Variants in INSL6 observed in about 807,000 individuals in gnomAD.
INSL6 encodes insulin-like peptide INSL6.
A neutral mutation model predicts 9.4 loss-of-function variants in INSL6; 16 were observed. The ratio of observed to expected loss-of-function variants is 1.70; its 90% CI spans 1.15 to 2.59. The LOEUF (loss-of-function observed/expected upper bound fraction) is 2.59. INSL6 is among the 30% of genes most tolerant of loss of function. The pLI is 0.00. For missense variants in INSL6, 391 were observed against 257.3 expected (o/e 1.52, Z -3.56); for synonymous variants, 154 against 96.9 (o/e 1.59, Z -3.46).
intron 3 of INSL6, among the ~76,000 whole-genome samples, chr9:5,130,951 G>A (rs541168233): frequency 2.6e-5 from 4 of 151,198 alleles, no homozygotes; most frequent in Admixed American, 2.6e-4. Context: ...GGATGGTCTC[G>A]ATCTCCTGAC....
chr9:5,130,929 C>T (rs555377087), intron 3 of INSL6, among the ~76,000 whole-genome samples: 12 of 151,146 alleles, frequency 7.9e-5, no homozygotes, highest in Non-Finnish European at 1.5e-4. Context: ...CGGGGTTTCA[C>T]TGTGTTAGCC....
chr9:4,994,344 CT>C, the INSL6 span, among the ~76,000 whole-genome samples: 1 of 152,138 alleles, frequency 6.6e-6, no homozygotes, highest in Admixed American at 6.6e-5. Context: ...CCCACTGGTT[CT>C]TATCAGAATT....
the INSL6 span, among the ~76,000 whole-genome samples, chr9:5,093,541 T>TTAATTCA: frequency 6.6e-6 from 1 of 152,186 alleles, no homozygotes; most frequent in Non-Finnish European, 1.5e-5. Flanking sequence ...CCATGGCACT[T>TTAATTCA]TAATTCATTA....
the INSL6 span, chr9:5,050,561 G>T: frequency 2.1e-6 from 2 of 961,672 alleles, no homozygotes; most frequent in African/African-American, 3.3e-5. Context: ...ATGAGCCACT[G>T]AGCCTGGCCA....
At chr9:5,151,421 T>G (rs1824710735) in intron 2 of INSL6, among the ~76,000 whole-genome samples, 1 of 151,600 alleles carries the variant, frequency 6.6e-6, no homozygotes, top group South Asian at 2.1e-4. Context: ...GACAATTGAT[T>G]AAAACAAAGT....
At chr9:5,093,363 CCTG>C in the INSL6 span, among the ~76,000 whole-genome samples, 1 of 152,278 alleles carries the variant, frequency 6.6e-6, no homozygotes, top group African/African-American at 2.4e-5. Context: ...ACCACCATAT[CCTG>C]ACCTTGCAAA....
At chr9:5,176,619 C>T (rs1356814529) in intron 1 of INSL6, among the ~76,000 whole-genome samples, 1 of 151,632 alleles carries the variant, frequency 6.6e-6, no homozygotes, top group African/African-American at 2.4e-5. Flanking sequence ...GCTTCCTTAC[C>T]TTAATGAAGA....
the INSL6 span, among the ~76,000 whole-genome samples, chr9:4,998,323 C>G: frequency 1.3e-5 from 2 of 152,056 alleles, no homozygotes; most frequent in South Asian, 4.1e-4. Flanking sequence ...GTGGCATTAT[C>G]TCAGCTCACT....
the INSL6 span, among the ~76,000 whole-genome samples, chr9:5,043,178 C>T: frequency 1.3e-5 from 2 of 151,662 alleles, no homozygotes; most frequent in South Asian, 4.2e-4. Context: ...GACTGGCTGG[C>T]GGACTCCCAG....
At chr9:5,038,720 C>T in the INSL6 span, among the ~76,000 whole-genome samples, 1 of 151,872 alleles carries the variant, frequency 6.6e-6, no homozygotes, top group African/African-American at 2.4e-5. Flanking sequence ...CAGGTTAGCG[C>T]TCTAAAGGTT....
the INSL6 span, chr9:5,085,907 C>A: frequency 4.2e-6 from 4 of 947,822 alleles, no homozygotes; most frequent in Non-Finnish European, 7.0e-6. Flanking sequence ...TTCTAATACC[C>A]TCATACAGAC....
chr9:5,020,920 G>C, the INSL6 span, among the ~76,000 whole-genome samples: 367 of 152,250 alleles, frequency 2.4e-3, 5 homozygotes, highest in African/African-American at 8.4e-3. Flanking sequence ...GCACCGTGCT[G>C]TAGCTGCTTA....
the INSL6 span, chr9:5,090,827 T>G: frequency 6.2e-7 from 1 of 1,613,488 alleles, no homozygotes; most frequent in Non-Finnish European, 8.5e-7. Flanking sequence ...AGAGTTAAAA[T>G]TGGAGATTTT....
intron 3 of INSL6, chr9:5,126,811 G>C (rs1427234118): frequency 1.4e-6 from 2 of 1,457,974 alleles, no homozygotes; most frequent in African/African-American, 1.4e-5. Flanking sequence ...CCTTCATTCT[G>C]AGACCAAAGT....
the INSL6 span, among the ~76,000 whole-genome samples, chr9:5,086,831 C>A: frequency 2.6e-5 from 4 of 152,126 alleles, no homozygotes; most frequent in African/African-American, 9.7e-5. Context: ...AAATTGGTGA[C>A]CCTTTCTAGA....
chr9:5,128,766 A>G (rs1375936668), intron 3 of INSL6, among the ~76,000 whole-genome samples: 1 of 151,970 alleles, frequency 6.6e-6, no homozygotes, highest in South Asian at 2.1e-4. Flanking sequence ...TTCTGACTAC[A>G]CATAAAAATA....
At chr9:5,094,189 C>T in the INSL6 span, 1 of 152,108 alleles carries the variant, frequency 6.6e-6, no homozygotes, top group Admixed American at 6.6e-5. Context: ...GGACCTGATA[C>T]CGTAGGCCCC....
chr9:5,164,219 T>C lies in INSL6; in HGVS notation c.336A>G (p.Ser112=). 1 of 1,607,240 alleles carries C rather than the reference T, an allele frequency of 6.2e-7. No individual in the cohort carries two copies. Among genetic ancestry groups the C allele is most frequent in the Non-Finnish European group, 8.5e-7 (1 of 1,177,768 alleles). The change falls in exon 2 of 2, where the codon TCA becomes TCG. Residue 112 remains serine (S), a synonymous_variant. Transcript: ENST00000381641. ...CCTTTTTATCCTTATACTCAGGTAGTGACTGCATTTCCCAACTGTTTACTG... is the reference window on the plus strand; with the variant it reads ...CCTTTTTATCCTTATACTCAGGTAGCGACTGCATTTCCCAACTGTTTACTG... ...EEAVNSWEMQ[S]LPEYKDKKGY...
chr9:5,015,224 G>A, the INSL6 span, among the ~76,000 whole-genome samples: 12 of 152,114 alleles, frequency 7.9e-5, no homozygotes, highest in African/African-American at 1.9e-4. Context: ...AAGCTGAGGC[G>A]CAATGAATAT....
Sources: gnomAD v4.1 joint callset for allele counts (sites outside exome capture counted in the v4.1 genomes callset) on GRCh38, gnomAD v4.1.1 for gene constraint, MANE v1.5 for transcripts, NCBI Gene and HGNC (gene_info 2026-07-23, HGNC 2026-07-21) for gene names.